Variants in GLI2 observed in about 807,000 individuals in gnomAD.
GLI2 encodes the protein GLI family zinc finger 2.
GLI2 carries 22 observed loss-of-function variants against 78.9 expected under a neutral mutation model. That is an observed-to-expected ratio of 0.28 (90% confidence interval 0.20 to 0.40). GLI2 has a LOEUF of 0.40. Ranked by LOEUF, GLI2 falls within the 10% of genes least tolerant of loss-of-function variation. The probability of loss-of-function intolerance (pLI) is 1.00; values close to 1 mark genes in which losing one functional copy is unlikely to be tolerated. For missense variants in GLI2, 2,097 were observed against 2,213.2 expected (o/e 0.95, Z 1.05); for synonymous variants, 974 against 963.7 (o/e 1.01, Z -0.20).
At chr2:120,965,599 A>G (rs1280020142) in intron 5 of GLI2, among the ~76,000 whole-genome samples, 2 of 122,090 alleles carry the variant, frequency 1.6e-5, no homozygotes, top group South Asian at 2.8e-4. Context: ...CGGGATGCAG[A>G]TGCTGCGGCA....
At chr2:120,760,007 C>T (rs1174422245) in intron 1 of GLI2, among the ~76,000 whole-genome samples, 1 of 152,252 alleles carries the variant, frequency 6.6e-6, no homozygotes, top group Non-Finnish European at 1.5e-5. Context: ...CAGGTGAGAG[C>T]CCTGGGGGAG....
chr2:120,976,631 G>T (rs1412564529), intron 9 of GLI2, among the ~76,000 whole-genome samples: 1 of 152,232 alleles, frequency 6.6e-6, no homozygotes, highest in Non-Finnish European at 1.5e-5. Context: ...GGATGTCAAA[G>T]ACGTGCTCTG....
chr2:120,874,635 GGC>G (rs2104688168), intron 2 of GLI2, among the ~76,000 whole-genome samples: 1 of 152,268 alleles, frequency 6.6e-6, no homozygotes, highest in African/African-American at 2.4e-5. Context: ...ATGGTCTCTC[GGC>G]ATGCATTGTT....
intron 1 of GLI2, among the ~76,000 whole-genome samples, chr2:120,764,119 T>A (rs1009133325): frequency 4.6e-5 from 7 of 152,228 alleles, no homozygotes; most frequent in African/African-American, 1.7e-4. Context: ...CACCTGGACA[T>A]GCCTGCTGAC....
chr2:120,803,162 A>G (rs1684781125), intron 2 of GLI2, among the ~76,000 whole-genome samples: 1 of 152,238 alleles, frequency 6.6e-6, no homozygotes, highest in Non-Finnish European at 1.5e-5. Flanking sequence ...TAGCTGTAAC[A>G]CTGCCTCTCT....
intron 6 of GLI2, 33 bp from the exon 7 acceptor site, chr2:120,970,360 C>A (rs1682080157): frequency 3.4e-6 from 4 of 1,163,974 alleles, no homozygotes; most frequent in South Asian, 2.4e-5. Flanking sequence ...CCCGATCCCC[C>A]ACCCCCACTT....
Position 120,820,853 on chromosome 2 carries a change from T to G in GLI2, c.148+23385T>G, listed in dbSNP as rs1685737441. Among the ~76,000 whole-genome samples, 4 of 152,154 alleles carry G rather than the reference T, an allele frequency of 2.6e-5. 1 individual carries two copies. Among genetic ancestry groups the G allele is most frequent in the South Asian group, 4.1e-4 (2 of 4,826 alleles). On this transcript the variant is annotated intron_variant, in intron 2 of 13. Coordinates refer to ENST00000361492, the MANE Select transcript of GLI2 (RefSeq NM_001374353.1). ...CACTGCATCTTCCAGGGTTTCTCTATGCCACTTGGGGTGCAGTCTTGAGTG... is the reference window on the plus strand; with the variant it reads ...CACTGCATCTTCCAGGGTTTCTCTAGGCCACTTGGGGTGCAGTCTTGAGTG...
chr2:120,883,925 A>G (rs1023114343), intron 2 of GLI2, among the ~76,000 whole-genome samples: 1 of 151,608 alleles, frequency 6.6e-6, no homozygotes, highest in Non-Finnish European at 1.5e-5. Context: ...TGTGCTCCAG[A>G]CCCCCGCAGC....
At chr2:120,900,794 C>T (rs573121449) in intron 2 of GLI2, among the ~76,000 whole-genome samples, 3 of 152,316 alleles carry the variant, frequency 2.0e-5, no homozygotes, top group South Asian at 2.1e-4. Context: ...ATGGTAGAGG[C>T]GGCTCTGGAG....
intron 1 of GLI2, among the ~76,000 whole-genome samples, chr2:120,748,071 G>A (rs707487): frequency 0.017 from 2,610 of 152,270 alleles, 73 homozygotes; most frequent in African/African-American, 0.06. Context: ...TCAAATGTGC[G>A]TATTCCTCCT....
At chr2:120,894,772 C>T (rs1209124995) in intron 2 of GLI2, among the ~76,000 whole-genome samples, 3 of 151,930 alleles carry the variant, frequency 2.0e-5, no homozygotes, top group Non-Finnish European at 4.4e-5. Flanking sequence ...GATCTTGGCT[C>T]ACTGCAACCT....
chr2:120,988,254 G>C lies in GLI2; in HGVS notation c.2289G>C (p.Ala763=). ...NFSGSGGGGP[A]GLLPNPRLSE... is the part of the protein sequence containing the mutation. ...GTGGCAGTGGGGGCGGCGGGCCCGC[G>C]GGGCTGCTGCCGAACCCGCGGCTGT... The change falls in exon 14 of 14, where the codon GCG becomes GCC. Residue 763 remains alanine (A), a synonymous_variant. Coordinates refer to ENST00000361492, the MANE Select transcript of GLI2 (RefSeq NM_001374353.1). 1 of 1,574,400 alleles carries C rather than the reference G, an allele frequency of 6.4e-7. No homozygotes were observed. The highest frequency in any genetic ancestry group is 8.6e-7 in the Non-Finnish European group (1 of 1,165,358).
chr2:120,799,548 C>T (rs1037734477), intron 2 of GLI2, among the ~76,000 whole-genome samples: 10 of 152,182 alleles, frequency 6.6e-5, no homozygotes, highest in African/African-American at 2.2e-4. Context: ...CCCTGCGTGG[C>T]GCAAAGCAGG....
chr2:120,968,835 G>A lies in GLI2; in HGVS notation c.765G>A (p.Ser255=), dbSNP rs200901345. 3.6e-5 allele frequency: 58 copies of A among 1,613,800 alleles called. No individual in the cohort carries two copies. The East Asian group carries it at 7.4e-4, about 20-fold the overall frequency. ...LQRMIRTSPN[S]LVAYINNSRS... is the part of the protein sequence containing the mutation. Reference sequence around the variant, plus strand: ...GGATGATCCGCACCTCACCCAACTCGCTAGTGGCCTACATCAACAACTCCC... The same window carrying A: ...GGATGATCCGCACCTCACCCAACTCACTAGTGGCCTACATCAACAACTCCC... The change falls in exon 6 of 14, where the codon TCG becomes TCA. Residue 255 remains serine (S), a synonymous_variant. Transcript: ENST00000361492.
chr2:120,893,329 C>T (rs142263533), intron 2 of GLI2, among the ~76,000 whole-genome samples: 3,142 of 152,240 alleles, frequency 0.021, 67 homozygotes, highest in Non-Finnish European at 0.028. Context: ...CCTGCCCGCC[C>T]CCCAGCCTCC....
At chr2:120,920,395 C>T (rs13413202) in intron 2 of GLI2, among the ~76,000 whole-genome samples, 1,667 of 152,334 alleles carry the variant, frequency 0.011, 26 homozygotes, top group African/African-American at 0.037. Flanking sequence ...TTTGTCTGAA[C>T]TCTGCAGACC....
At chr2:120,779,102 A>G (rs79318575) in intron 1 of GLI2, among the ~76,000 whole-genome samples, 2,406 of 152,318 alleles carry the variant, frequency 0.016, 29 homozygotes, top group Non-Finnish European at 0.023. Context: ...AAACCAAGGT[A>G]ATATCCGCTG....
chr2:120,821,097 C>T (rs1468372431), intron 2 of GLI2, among the ~76,000 whole-genome samples: 1 of 152,096 alleles, frequency 6.6e-6, no homozygotes, highest in African/African-American at 2.4e-5. Context: ...ATGATCTGCT[C>T]CTCCCTGACT....
Position 120,875,653 on chromosome 2 carries a change from C to T in GLI2, c.149-51708C>T, listed in dbSNP as rs116107556. On this transcript the variant is annotated intron_variant, in intron 2 of 13. Transcript: ENST00000361492. ...TTCCTCTTCTTCGCCTCAGGACACC[C>T]TTGCGTGTGTTATTACCTATAAATT... is the stretch of plus-strand genomic sequence containing the variant. Among the ~76,000 whole-genome samples the T allele has an allele frequency of 6.4e-3, 972 of 152,310 alleles. 11 individuals are homozygous for T. The highest frequency in any genetic ancestry group is 0.022 in the African/African-American group (914 of 41,570).
Sources: allele counts gnomAD v4.1 joint callset (sites outside exome capture counted in the v4.1 genomes callset), GRCh38; gene constraint gnomAD v4.1.1; transcripts MANE v1.5; gene names NCBI Gene and HGNC (gene_info 2026-07-23, HGNC 2026-07-21).